Variants in C7 observed in about 807,000 individuals in gnomAD.
The protein encoded by C7 is complement component C7.
A neutral mutation model predicts 104.8 loss-of-function variants in C7; 83 were observed. The observed-to-expected ratio is 0.79, with a 90% CI of 0.66 to 0.95. The LOEUF (loss-of-function observed/expected upper bound fraction) is 0.95, where lower values mean the gene tolerates loss of function less well. Among genes scored for constraint, C7 ranks in the 40% least tolerant of loss-of-function variants. The pLI is 0.00. For missense variants in C7, 1,070 were observed against 1,011.2 expected, an observed-to-expected ratio of 1.06 and a Z score of -0.79; for synonymous variants, 415 against 360.6, an observed-to-expected ratio of 1.15 and a Z score of -1.71.
intron 3 of C7, among the ~76,000 whole-genome samples, chr5:40,932,981 C>T (rs185782233): frequency 2.8e-4 from 42 of 152,238 alleles, no homozygotes; most frequent in African/African-American, 9.9e-4. Context: ...AAGAAAAACA[C>T]TTTCTTATGC....
At chr5:40,955,319 A>G (rs1260012139) in intron 9 of C7, 68 bp from the exon 10 acceptor site, 2 of 1,486,030 alleles carry the variant, frequency 1.3e-6, no homozygotes, top group African/African-American at 1.4e-5. Flanking sequence ...CCAGGATGTC[A>G]TACAATTTGA....
Position 40,962,966 on chromosome 5 carries a change from G to A in C7, c.1749+794G>A, listed in dbSNP as rs188307705. ...TGGGAGATGAAAGTTGTGTGTTCAC[G>A]CAAGTGTGTGTGTGTGTTTGTGTAG... On this transcript the variant is annotated intron_variant, in intron 13 of 17. Coordinates refer to ENST00000313164, the MANE Select transcript of C7 (RefSeq NM_000587.4). 2.8e-3 allele frequency among the ~76,000 whole-genome samples: 419 copies of A among 152,266 alleles called. 1 individual carries two copies. The highest frequency in any genetic ancestry group is 4.5e-3 in the Non-Finnish European group (309 of 68,018).
Position 40,981,621 on chromosome 5 carries a change from G to T in C7, c.*48G>T, listed in dbSNP as rs1312385759. On this transcript the variant is annotated 3_prime_UTR_variant, in exon 18 of 18. Coordinates refer to ENST00000313164, the MANE Select transcript of C7 (RefSeq NM_000587.4). ...TTGCTTGGAATCCAGCAGGCAGCTGGGGCTGAGTGAAAACATCTGCACAAC... is the reference window on the plus strand; with the variant it reads ...TTGCTTGGAATCCAGCAGGCAGCTGTGGCTGAGTGAAAACATCTGCACAAC... 3 of 1,519,004 alleles carry T rather than the reference G, an allele frequency of 2.0e-6. No homozygotes were observed. Among genetic ancestry groups the T allele is most frequent in the Non-Finnish European group, 8.9e-7 (1 of 1,120,812 alleles). The allele number at this position is 1,519,004 out of a possible 1,614,324, so 94.1% of individuals were successfully genotyped here. A position where few individuals can be genotyped will look rare whatever the true frequency, so the allele number is the denominator to read the frequency against.
intron 1 of C7, among the ~76,000 whole-genome samples, chr5:40,918,721 A>C (rs1739377397): frequency 6.6e-6 from 1 of 152,110 alleles, no homozygotes; most frequent in Admixed American, 6.6e-5. Context: ...TATGATGATA[A>C]AGGAGTCAAC....
chr5:40,968,596 ATATATTTTTTTTTTTTTT>A (rs1477679332), intron 14 of C7, among the ~76,000 whole-genome samples: 11 of 23,404 alleles, frequency 4.7e-4, no homozygotes, highest in South Asian at 1.4e-3. Context: ...ATATATATAT[ATATATTTTTTTTTTTTTT>A]TTTTTTTTTT....
At chr5:40,921,044 G>A (rs1358407753) in intron 1 of C7, among the ~76,000 whole-genome samples, 1 of 112,310 alleles carries the variant, frequency 8.9e-6, no homozygotes, top group Non-Finnish European at 1.7e-5. Context: ...GCAAGACTCT[G>A]TCTCCAAAAA....
At chr5:40,968,596 ATATATTTTTTTTTTTTTTTTTTTT>A (rs1561257519) in intron 14 of C7, among the ~76,000 whole-genome samples, 209 of 23,356 alleles carry the variant, frequency 8.9e-3, no homozygotes, top group Admixed American at 0.016. Context: ...ATATATATAT[ATATATTTTTTTTTTTTTTTTTTTT>A]TTTTTTTTTG....
At chr5:40,942,901 A>G (rs1282558484) in intron 6 of C7, among the ~76,000 whole-genome samples, 1 of 151,688 alleles carries the variant, frequency 6.6e-6, no homozygotes, top group East Asian at 1.9e-4. Flanking sequence ...AGTAGCTGGG[A>G]TTACAGGCAC....
chr5:40,980,970 T>C (rs1740928903), intron 17 of C7, among the ~76,000 whole-genome samples: 1 of 152,236 alleles, frequency 6.6e-6, no homozygotes, highest in Non-Finnish European at 1.5e-5. Flanking sequence ...TTGGGATTTG[T>C]AGCCTTTTGC....
intron 2 of C7, among the ~76,000 whole-genome samples, chr5:40,928,866 T>C (rs915848942): frequency 5.3e-5 from 8 of 152,334 alleles, no homozygotes; most frequent in African/African-American, 1.9e-4. Flanking sequence ...AATTGAAGAC[T>C]AAAAGTATAA....
intron 7 of C7, among the ~76,000 whole-genome samples, chr5:40,946,010 G>A (rs193229346): frequency 8.0e-5 from 12 of 149,454 alleles, no homozygotes; most frequent in African/African-American, 2.2e-4. Context: ...TATTTTAAAC[G>A]ATCTTAAATT....
In C7 at chr5:40,945,322, C is replaced by T. The variant is rs183261438; in HGVS notation, c.692C>T (p.Ser231Phe). The part of the protein sequence containing the change: ...KRSFFRSSSS[S>F]SRSYTSHTNE... ...TCCTTTTTTAGATCTTCATCATCTT[C>T]TTCACGCAGTTATACTTCACATACC... The change falls in exon 7 of 18, where the codon TCT becomes TTT. Residue 231 changes from serine to phenylalanine, a missense_variant. Transcript: ENST00000313164. 3 of 1,609,474 alleles carry T rather than the reference C, an allele frequency of 1.9e-6. No individual in the cohort carries two copies. The Admixed American group carries it at 5.1e-5, about 27-fold the overall frequency.
At position 40,981,484 on chromosome 5, in the gene C7, ATGTC is replaced by A. The variant is rs757419877; in HGVS notation, c.2446_2449del (p.Glu817ValfsTer6). 1 of 1,613,826 alleles carries A rather than the reference ATGTC, an allele frequency of 6.2e-7. No individual in the cohort carries two copies. Among genetic ancestry groups the A allele is most frequent in the South Asian group, 1.1e-5 (1 of 91,022 alleles). On this transcript the variant is annotated frameshift_variant, in exon 18 of 18. Transcript: ENST00000313164. LOFTEE classifies it low-confidence loss of function (END_TRUNC). ...GGAAGTGAACGGCAAGGAGCAGACG[ATGTC>A]TGAGTGTGAGGCGGGCGCTCTGAGA... is the stretch of plus-strand genomic sequence containing the variant.
At chr5:40,954,491 A>C (rs935593579) in intron 9 of C7, among the ~76,000 whole-genome samples, 2 of 152,228 alleles carry the variant, frequency 1.3e-5, no homozygotes, top group Non-Finnish European at 2.9e-5. Context: ...ATTCTCTTGC[A>C]TAATGTGATA....
intron 13 of C7, among the ~76,000 whole-genome samples, chr5:40,963,969 C>G (rs1740486264): frequency 7.0e-6 from 1 of 142,302 alleles, no homozygotes; most frequent in African/African-American, 2.5e-5. Flanking sequence ...GGTGTTCATA[C>G]TGACATTTTG....
intron 3 of C7, among the ~76,000 whole-genome samples, chr5:40,932,479 T>C (rs901922306): frequency 3.3e-5 from 5 of 152,146 alleles, no homozygotes; most frequent in Admixed American, 2.6e-4. Flanking sequence ...AAAATTATAT[T>C]TAAAAATCAC....
At chr5:40,968,594 ATATATATTTTTTTTTTTTTTTTTTTT>A (rs1740619901) in intron 14 of C7, among the ~76,000 whole-genome samples, 1 of 26,138 alleles carries the variant, frequency 3.8e-5, no homozygotes, top group Non-Finnish European at 6.7e-5. Context: ...ATATATATAT[ATATATATTTTTTTTTTTTTTTTTTTT>A]TTTTTTTTTG....
At chr5:40,949,376 CA>C (rs1212334201) in intron 8 of C7, among the ~76,000 whole-genome samples, 1 of 144,448 alleles carries the variant, frequency 6.9e-6, no homozygotes, top group Non-Finnish European at 1.5e-5. Flanking sequence ...AAAAAAAACA[CA>C]AAAAACTCCC....
chr5:40,934,152 G>T (rs770368081), intron 3 of C7, among the ~76,000 whole-genome samples, 173 bp from the exon 4 acceptor site: 4 of 151,766 alleles, frequency 2.6e-5, no homozygotes, highest in Non-Finnish European at 5.9e-5. Context: ...ATAGGTCTGT[G>T]AATTCATTGA....
Sources: allele counts gnomAD v4.1 joint callset (sites outside exome capture counted in the v4.1 genomes callset), GRCh38; gene constraint gnomAD v4.1.1; transcripts MANE v1.5; gene names NCBI Gene and HGNC (gene_info 2026-07-23, HGNC 2026-07-21).